Variants in KCNT2 observed in about 807,000 individuals in gnomAD.
KCNT2 encodes potassium channel subfamily T member 2.
Under a neutral mutation model 153.8 loss-of-function variants are expected in KCNT2, and 67 were observed. That is an observed-to-expected ratio of 0.44 (90% CI 0.36 to 0.53). The LOEUF (loss-of-function observed/expected upper bound fraction) is 0.53, where lower values mean the gene tolerates loss of function less well. Among genes scored for constraint, KCNT2 ranks in the 20% least tolerant of loss-of-function variants. The pLI, the probability that KCNT2 is intolerant of heterozygous loss-of-function variation, is 0.00. For synonymous variants in KCNT2, 500 were observed against 458.8 expected, an observed-to-expected ratio of 1.09 and a Z score of -1.15; for missense variants, 975 against 1,354.8, an observed-to-expected ratio of 0.72 and a Z score of 4.40.
chr1:196,500,620 A>G (rs1374435401), intron 1 of KCNT2, among the ~76,000 whole-genome samples: 1 of 152,210 alleles, frequency 6.6e-6, no homozygotes, highest in Non-Finnish European at 1.5e-5. Context: ...ATTCCTATCC[A>G]TTTCCAAATA....
At chr1:196,459,058 C>G (rs1676927348) in intron 8 of KCNT2, among the ~76,000 whole-genome samples, 3 of 151,716 alleles carry the variant, frequency 2.0e-5, no homozygotes, top group Admixed American at 6.6e-5. Context: ...TCTAAGAGTC[C>G]CATGAAACAT....
intron 2 of KCNT2, among the ~76,000 whole-genome samples, chr1:196,490,287 G>A (rs1034787789): frequency 3.3e-5 from 5 of 151,292 alleles, no homozygotes; most frequent in South Asian, 2.1e-4. Flanking sequence ...TAAATTTTGG[G>A]ATAAACTTTG....
intron 1 of KCNT2, among the ~76,000 whole-genome samples, chr1:196,573,685 GAA>G (rs954345911): frequency 1.3e-5 from 2 of 151,970 alleles, no homozygotes; most frequent in African/African-American, 4.8e-5. Flanking sequence ...GAGGGAGAGA[GAA>G]AGAGGAGGGA....
In KCNT2 at chr1:196,542,376, G is replaced by A. The variant is rs541513505; in HGVS notation, c.96-50035C>T. Reference sequence around the variant, plus strand: ...GACACTGCATCTATGGACACAAAACGTCAGAGTGTATTAATTTGAAGTAAA... The same window carrying A: ...GACACTGCATCTATGGACACAAAACATCAGAGTGTATTAATTTGAAGTAAA... On this transcript the variant is annotated intron_variant, in intron 1 of 27. Coordinates refer to ENST00000294725, the MANE Select transcript of KCNT2 (RefSeq NM_198503.5). Among the ~76,000 whole-genome samples, 111 of 152,226 alleles carry A rather than the reference G, an allele frequency of 7.3e-4. No individual in the cohort carries two copies. In the South Asian group the frequency reaches 9.9e-3, roughly 14 times the overall value.
At chr1:196,488,051 A>G (rs1679571016) in intron 3 of KCNT2, among the ~76,000 whole-genome samples, 1 of 152,012 alleles carries the variant, frequency 6.6e-6, no homozygotes, top group South Asian at 2.1e-4. Flanking sequence ...ACTACACATT[A>G]TCTGTACATC....
At chr1:196,283,070 C>T (rs992968439) in intron 23 of KCNT2, among the ~76,000 whole-genome samples, 1 of 152,198 alleles carries the variant, frequency 6.6e-6, no homozygotes, top group Non-Finnish European at 1.5e-5. Flanking sequence ...TCTAGAACTC[C>T]TGGCCTCAAG....
intron 1 of KCNT2, among the ~76,000 whole-genome samples, chr1:196,500,858 A>G (rs2148763468): frequency 6.6e-6 from 1 of 152,342 alleles, no homozygotes; most frequent in South Asian, 2.1e-4. Context: ...ACAAGAAAAA[A>G]ATATAAACTC....
At chr1:196,369,572 G>A (rs550755745) in intron 14 of KCNT2, among the ~76,000 whole-genome samples, 5 of 151,350 alleles carry the variant, frequency 3.3e-5, no homozygotes, top group Non-Finnish European at 7.4e-5. Flanking sequence ...GAGAATATGT[G>A]GTGTTTGGTT....
intron 25 of KCNT2, among the ~76,000 whole-genome samples, chr1:196,278,806 A>G (rs1051027970): frequency 6.6e-6 from 1 of 152,210 alleles, no homozygotes; most frequent in Non-Finnish European, 1.5e-5. Flanking sequence ...CAAATAAGAA[A>G]TGATTTGTAT....
chr1:196,528,925 C>T (rs191277458), intron 1 of KCNT2, among the ~76,000 whole-genome samples: 43 of 152,132 alleles, frequency 2.8e-4, no homozygotes, highest in Admixed American at 2.4e-3. Flanking sequence ...GCCTTTCATG[C>T]TTATGATTAT....
intron 12 of KCNT2, among the ~76,000 whole-genome samples, chr1:196,416,530 C>T (rs965517623): frequency 1.3e-5 from 2 of 152,036 alleles, no homozygotes; most frequent in Non-Finnish European, 2.9e-5. Flanking sequence ...TGACCCCTTG[C>T]TACTCTACCA....
intron 1 of KCNT2, among the ~76,000 whole-genome samples, chr1:196,500,629 T>C (rs1680624681): frequency 6.6e-6 from 1 of 152,184 alleles, no homozygotes; most frequent in African/African-American, 2.4e-5. Flanking sequence ...CATTTCCAAA[T>C]ATTCATACTT....
intron 22 of KCNT2, among the ~76,000 whole-genome samples, chr1:196,298,944 A>T (rs1417889126): frequency 6.6e-6 from 1 of 151,652 alleles, no homozygotes; most frequent in Non-Finnish European, 1.5e-5. Context: ...TCAGATTTTC[A>T]TTATTTTGCT....
chr1:196,522,473 C>G (rs1446896448), intron 1 of KCNT2, among the ~76,000 whole-genome samples: 1 of 152,214 alleles, frequency 6.6e-6, no homozygotes, highest in African/African-American at 2.4e-5. Context: ...TATGCTTCAA[C>G]TCTTAAAATA....
chr1:196,565,589 A>G (rs1182344693), intron 1 of KCNT2, among the ~76,000 whole-genome samples: 1 of 134,024 alleles, frequency 7.5e-6, no homozygotes, highest in Non-Finnish European at 1.5e-5. Context: ...ACAAATCATT[A>G]TACATATATA....
chr1:196,552,311 G>A (rs1658022440), intron 1 of KCNT2, among the ~76,000 whole-genome samples: 2 of 151,298 alleles, frequency 1.3e-5, no homozygotes, highest in Admixed American at 6.6e-5. Flanking sequence ...ATTACTGATT[G>A]TTTTATTTGT....
At chr1:196,395,106 A>G (rs956537835) in intron 13 of KCNT2, among the ~76,000 whole-genome samples, 1 of 151,340 alleles carries the variant, frequency 6.6e-6, no homozygotes, top group African/African-American at 2.4e-5. Flanking sequence ...TTTCTGGAAT[A>G]ATTTCAACTT....
chr1:196,356,565 T>C (rs1234523526), intron 14 of KCNT2, among the ~76,000 whole-genome samples: 1 of 151,858 alleles, frequency 6.6e-6, no homozygotes, highest in African/African-American at 2.4e-5. Context: ...CAGAGAGTTT[T>C]AAGGTATCTC....
intron 8 of KCNT2, among the ~76,000 whole-genome samples, chr1:196,449,089 C>G (rs1675934212): frequency 6.6e-6 from 1 of 151,420 alleles, no homozygotes; most frequent in East Asian, 1.9e-4. Context: ...AACAAACAAA[C>G]AAAAATCCTG....
Sources: gnomAD v4.1 joint callset for allele counts (sites outside exome capture counted in the v4.1 genomes callset) on GRCh38, gnomAD v4.1.1 for gene constraint, MANE v1.5 for transcripts, NCBI Gene and HGNC (gene_info 2026-07-23, HGNC 2026-07-21) for gene names.